NUP210L: variants seen among roughly 807,000 people sequenced by gnomAD.
The protein encoded by NUP210L is nuclear pore membrane glycoprotein 210-like.
Under a neutral mutation model 208.5 loss-of-function variants are expected in NUP210L, and 74 were observed. The observed-to-expected ratio is 0.35, with a 90% CI of 0.29 to 0.43. NUP210L has a LOEUF of 0.43. NUP210L is among the 20% of genes least tolerant of loss of function. The pLI is 1.00. For synonymous variants in NUP210L, 780 were observed against 816.9 expected, an observed-to-expected ratio of 0.95 and a Z score of 0.77; for missense variants, 1,843 against 2,289.4, an observed-to-expected ratio of 0.81 and a Z score of 3.98.
rs773057344 is a variant in NUP210L, at chr1:154,152,694, C to T, written c.340+42G>A. On this transcript the variant is annotated intron_variant, in intron 2 of 39. Coordinates refer to ENST00000368559, the Ensembl canonical transcript of NUP210L. Reference sequence around the variant, plus strand: ...CTATACAAAATACCAGATTATTCTACCCCAGAAGAAGTGATACATAGTGTT... The same window carrying T: ...CTATACAAAATACCAGATTATTCTATCCCAGAAGAAGTGATACATAGTGTT... 5.7e-6 allele frequency: 9 copies of T among 1,570,984 alleles called. No homozygotes were observed. In the East Asian group the frequency reaches 1.8e-4, roughly 31 times the overall value.
intron 37 of NUP210L, among the ~76,000 whole-genome samples, chr1:153,997,699 T>TG (rs1024825089): frequency 5.4e-5 from 8 of 147,626 alleles, no homozygotes; most frequent in Non-Finnish European, 1.2e-4. Flanking sequence ...ATTTGTTTTT[T>TG]TTTTTTTTTT....
chr1:154,095,775 C>A (rs1656149130), intron 14 of NUP210L, among the ~76,000 whole-genome samples: 1 of 152,236 alleles, frequency 6.6e-6, no homozygotes, highest in South Asian at 2.1e-4. Flanking sequence ...ATACACTTCA[C>A]CATATTTCTC....
intron 1 of NUP210L, among the ~76,000 whole-genome samples, chr1:154,153,665 C>CA (rs551669421): frequency 2.9e-4 from 44 of 151,148 alleles, no homozygotes; most frequent in African/African-American, 1.0e-3. Flanking sequence ...CGGCTGGTCT[C>CA]AAACTCCTGG....
At chr1:154,007,817 G>A (rs1479001001) in intron 35 of NUP210L, among the ~76,000 whole-genome samples, 2 of 148,982 alleles carry the variant, frequency 1.3e-5, no homozygotes, top group Admixed American at 6.7e-5. Flanking sequence ...CTCGTGATCC[G>A]CCTGCCTCGG....
intron 31 of NUP210L, among the ~76,000 whole-genome samples, chr1:154,022,742 A>G (rs1296592643): frequency 1.4e-5 from 2 of 147,520 alleles, no homozygotes; most frequent in East Asian, 4.0e-4. Flanking sequence ...CAGTGGCGCA[A>G]TCTCTGCTCA....
At chr1:154,106,180 G>A (rs1021232925) in intron 12 of NUP210L, among the ~76,000 whole-genome samples, 3 of 152,032 alleles carry the variant, frequency 2.0e-5, no homozygotes, top group South Asian at 2.1e-4. Flanking sequence ...GGAATCGCTC[G>A]AACCCAGGAG....
intron 34 of NUP210L, among the ~76,000 whole-genome samples, chr1:154,011,623 A>G (rs1159453400): frequency 6.7e-6 from 1 of 149,896 alleles, no homozygotes; most frequent in Non-Finnish European, 1.5e-5. Context: ...ACAGCCTCCT[A>G]AATAATTGGG....
Position 154,023,112 on chromosome 1 carries a change from A to C in NUP210L, c.4298+10T>G, listed in dbSNP as rs1483964363. On this transcript the variant is annotated intron_variant, in intron 31 of 39. Coordinates refer to ENST00000368559, the Ensembl canonical transcript of NUP210L. Reference sequence around the variant, plus strand: ...CCATAGTGTCAATACCATTCCTTTGACTTCCATACCTGTTCAGAGCCAGAT... The same window carrying C: ...CCATAGTGTCAATACCATTCCTTTGCCTTCCATACCTGTTCAGAGCCAGAT... 6.2e-7 allele frequency: 1 copy of C among 1,611,108 alleles called. No homozygotes were observed. The highest frequency in any genetic ancestry group is 1.7e-5 in the Admixed American group (1 of 59,760).
intron 16 of NUP210L, among the ~76,000 whole-genome samples, chr1:154,072,458 G>A (rs1363238535): frequency 2.7e-5 from 4 of 146,750 alleles, no homozygotes; most frequent in African/African-American, 1.0e-4. Context: ...TCAGCCTCCC[G>A]AGTAGCTGGG....
chr1:154,060,550 C>T lies in NUP210L; in HGVS notation c.2840G>A (p.Ser947Asn), dbSNP rs199829450. ...GTCTCTAGAGCTCACCTCAACAGAG[C>T]TTTCTGCTTCCATGTAAGTGATGGT... Residue 947 changes from serine to asparagine, a missense_variant, in exon 20 of 40, where the codon AGC becomes AAC. Ser to Asn is a conservative substitution (Grantham distance 46, BLOSUM62 1). Coordinates refer to ENST00000368559, the Ensembl canonical transcript of NUP210L. 30 of 1,609,856 alleles carry T rather than the reference C, an allele frequency of 1.9e-5. No homozygotes were observed. The African/African-American group carries it at 2.8e-4, about 15-fold the overall frequency.
At chr1:153,998,730 T>TA (rs58315673) in intron 37 of NUP210L, among the ~76,000 whole-genome samples, 3 of 138,126 alleles carry the variant, frequency 2.2e-5, no homozygotes, top group Middle Eastern at 3.7e-3. Flanking sequence ...TTTTTTTTTT[T>TA]AATTCCTGAG....
intron 17 of NUP210L, among the ~76,000 whole-genome samples, chr1:154,067,164 C>T (rs1485705496): frequency 6.6e-6 from 1 of 152,108 alleles, no homozygotes; most frequent in Non-Finnish European, 1.5e-5. Context: ...AGACCAATAT[C>T]CCTGATGGAC....
At chr1:154,080,778 C>G (rs1655278214) in intron 16 of NUP210L, among the ~76,000 whole-genome samples, 2 of 151,940 alleles carry the variant, frequency 1.3e-5, no homozygotes, top group South Asian at 4.1e-4. Context: ...TTGAGACCAG[C>G]CTGACCAATA....
rs77653541 is a variant in NUP210L at position 154,118,665 on chromosome 1, C to A, written c.1464+6G>T. 2 of 1,553,104 alleles carry A rather than the reference C, an allele frequency of 1.3e-6. No homozygotes were observed. Among genetic ancestry groups the A allele is most frequent in the East Asian group, 2.3e-5 (1 of 43,640 alleles). On this transcript the variant is annotated splice_donor_region_variant and intron_variant, in intron 11 of 39. Transcript: ENST00000368559. ...TCTCCTTGTGAAGCCTTATAGGACA[C>A]CATACCTGTACTTTATAACGATATA...
exon 25 of NUP210L, chr1:154,054,338 C>G (rs755329547): frequency 6.2e-7 from 1 of 1,614,236 alleles, no homozygotes; most frequent in Non-Finnish European, 8.5e-7. Context: ...CTATTAACAA[C>G]AGCCACGGTC....
intron 33 of NUP210L, 142 bp downstream of exon 33, chr1:154,018,789 TTG>T (rs1651402316): frequency 1.2e-6 from 1 of 861,306 alleles, no homozygotes; most frequent in East Asian, 2.5e-5. Flanking sequence ...CTGTTTAGCT[TTG>T]TGTTCCAGTA....
At chr1:154,080,571 C>A (rs1181272304) in intron 16 of NUP210L, among the ~76,000 whole-genome samples, 1 of 151,578 alleles carries the variant, frequency 6.6e-6, no homozygotes, top group African/African-American at 2.4e-5. Flanking sequence ...GTAGTCCCAA[C>A]TACTTGGGAG....
intron 37 of NUP210L, among the ~76,000 whole-genome samples, chr1:153,996,499 G>A (rs1199861949): frequency 6.6e-6 from 1 of 152,000 alleles, no homozygotes; most frequent in African/African-American, 2.4e-5. Context: ...TCAACTCCCT[G>A]CAACCTCCGC....
chr1:154,118,752 A>G, exon 11 of NUP210L: 4 of 1,594,032 alleles, frequency 2.5e-6, no homozygotes, highest in Non-Finnish European at 3.4e-6. Context: ...TGGGAAAATA[A>G]ATCTTCACTT....
Sources: allele counts gnomAD v4.1 joint callset (sites outside exome capture counted in the v4.1 genomes callset), GRCh38; gene constraint gnomAD v4.1.1; transcripts MANE v1.5; gene names NCBI Gene and HGNC (gene_info 2026-07-23, HGNC 2026-07-21).